Variants in TYW3 observed in about 807,000 individuals in gnomAD.
The protein encoded by TYW3 is tRNA wybutosine-synthesizing protein 3 homolog.
Under a neutral mutation model 23.1 loss-of-function variants are expected in TYW3, and 26 were observed. That is an observed-to-expected ratio of 1.13 (90% confidence interval 0.83 to 1.56). The LOEUF is 1.56. Ranked by LOEUF, TYW3 falls within the 40% of genes most tolerant of loss-of-function variation. The probability of loss-of-function intolerance (pLI) is 0.00; values close to 1 mark genes in which losing one functional copy is unlikely to be tolerated. For synonymous variants in TYW3, 102 were observed against 105.7 expected, an observed-to-expected ratio of 0.97 and a Z score of 0.21; for missense variants, 316 against 311.9, an observed-to-expected ratio of 1.01 and a Z score of -0.10.
At chr1:74,749,817 G>C (rs2795030) in intron 4 of TYW3, among the ~76,000 whole-genome samples, 1 of 152,106 alleles carries the variant, frequency 6.6e-6, no homozygotes, top group African/African-American at 2.4e-5. Context: ...TTAGCTGGGC[G>C]TGGTGGTGCG....
chr1:74,753,559 G>T (rs950508616), intron 5 of TYW3, among the ~76,000 whole-genome samples: 8 of 152,152 alleles, frequency 5.3e-5, no homozygotes, highest in African/African-American at 1.7e-4. Context: ...ACTCAGTCTG[G>T]TTCCACCAAA....
chr1:74,762,043 T>G (rs1403193822), intron 5 of TYW3, among the ~76,000 whole-genome samples: 3 of 152,260 alleles, frequency 2.0e-5, no homozygotes, highest in Non-Finnish European at 2.9e-5. Flanking sequence ...TCTTTTTAAA[T>G]TTAACTCTGT....
chr1:74,756,144 C>T (rs1557749716), intron 5 of TYW3, among the ~76,000 whole-genome samples: 5 of 152,138 alleles, frequency 3.3e-5, no homozygotes, highest in South Asian at 2.1e-4. Flanking sequence ...TGCCCGGTCT[C>T]GGGTATGTCT....
chr1:74,758,674 G>A (rs905145095), intron 5 of TYW3, among the ~76,000 whole-genome samples: 65 of 146,436 alleles, frequency 4.4e-4, no homozygotes, highest in African/African-American at 1.4e-3. Flanking sequence ...GATTCTTATC[G>A]TCATTTACCA....
intron 3 of TYW3, among the ~76,000 whole-genome samples, chr1:74,740,175 A>C (rs1226772860): frequency 6.6e-6 from 1 of 152,086 alleles, no homozygotes; most frequent in Non-Finnish European, 1.5e-5. Flanking sequence ...ATGTGTCCGG[A>C]GTTTCTTCCT....
intron 4 of TYW3, among the ~76,000 whole-genome samples, chr1:74,750,454 C>G (rs1224555335): frequency 6.6e-6 from 1 of 152,012 alleles, no homozygotes; most frequent in African/African-American, 2.4e-5. Flanking sequence ...ATTACAGCTA[C>G]TTGGGAGGCT....
intron 2 of TYW3, 99 bp from the exon 3 acceptor site, chr1:74,738,591 C>A: frequency 1.4e-6 from 1 of 713,744 alleles, no homozygotes; most frequent in Non-Finnish European, 2.1e-6. Context: ...CTGAGTGATT[C>A]TGAAAATTTC....
chr1:74,747,775 G>GTATATGTATACACATGTGTACATA (rs1648624899), intron 3 of TYW3, among the ~76,000 whole-genome samples: 1 of 151,392 alleles, frequency 6.6e-6, no homozygotes, highest in South Asian at 2.1e-4. Flanking sequence ...GTATATGTGT[G>GTATATGTATACACATGTGTACATA]TATATGTATA....
chr1:74,744,730 C>T (rs1371965636), intron 3 of TYW3, among the ~76,000 whole-genome samples: 1 of 152,152 alleles, frequency 6.6e-6, no homozygotes, highest in Non-Finnish European at 1.5e-5. Context: ...GTTGCAGACA[C>T]TCATGGTGAG....
rs572787602 is a variant in TYW3, at chr1:74,765,828, G to GAATT, written c.*1718_*1721dup. On this transcript the variant is annotated 3_prime_UTR_variant, in exon 6 of 6. Transcript: ENST00000370867. ...TTCCATAAACTGAATATATGAATGA[G>GAATT]AATTAAGAAGAGAGGGGCTGCTTCC... is the stretch of plus-strand genomic sequence containing the variant. 6.6e-6 allele frequency: 1 copy of GAATT among 152,042 alleles called. No individual in the cohort carries two copies. The highest frequency in any genetic ancestry group is 1.5e-5 in the Non-Finnish European group (1 of 67,998). 9.4% of individuals were successfully genotyped at this position (152,042 alleles called of 1,614,324 possible). A position where few individuals can be genotyped will look rare whatever the true frequency, so the allele number is the denominator to read the frequency against.
At chr1:74,737,863 T>C (rs1648203889) in intron 2 of TYW3, among the ~76,000 whole-genome samples, 1 of 152,208 alleles carries the variant, frequency 6.6e-6, no homozygotes, top group Non-Finnish European at 1.5e-5. Flanking sequence ...ACACAAGATC[T>C]AGCCCTTTGC....
chr1:74,753,575 C>G (rs72677720), intron 5 of TYW3, among the ~76,000 whole-genome samples: 2 of 152,284 alleles, frequency 1.3e-5, no homozygotes, highest in Non-Finnish European at 2.9e-5. Context: ...CCAAATTGCT[C>G]AACTTTCCAG....
At chr1:74,745,475 G>A (rs181275894) in intron 3 of TYW3, among the ~76,000 whole-genome samples, 122 of 152,120 alleles carry the variant, frequency 8.0e-4, no homozygotes, top group East Asian at 2.3e-3. Context: ...TGATTGGTGC[G>A]TTTTTACAGA....
intron 3 of TYW3, among the ~76,000 whole-genome samples, chr1:74,744,017 C>T (rs1356555314): frequency 2.6e-5 from 4 of 152,108 alleles, no homozygotes; most frequent in South Asian, 4.1e-4. Flanking sequence ...ATTCCCCTCC[C>T]GCTACAGCTT....
intron 3 of TYW3, among the ~76,000 whole-genome samples, chr1:74,747,553 C>T (rs1462769138): frequency 6.7e-6 from 1 of 148,584 alleles, no homozygotes; most frequent in Non-Finnish European, 1.5e-5. Flanking sequence ...AGGAGAATGG[C>T]GTGAACCCGG....
chr1:74,733,771 G>A (rs1053262026), intron 1 of TYW3, among the ~76,000 whole-genome samples: 2 of 152,148 alleles, frequency 1.3e-5, no homozygotes, highest in South Asian at 2.1e-4. Flanking sequence ...TGAATACTAA[G>A]GGAATCTAAA....
rs1382112167 is a variant in TYW3, at chr1:74,752,437, G to A, written c.560+12G>A. On this transcript the variant is annotated intron_variant, in intron 5 of 5. Transcript: ENST00000370867. ...AAAAGAATTGAGAGGTATATTAATTGGGTATTTCCATGTTATTCTTATATG... is the reference window on the plus strand; with the variant it reads ...AAAAGAATTGAGAGGTATATTAATTAGGTATTTCCATGTTATTCTTATATG... 4 of 1,609,492 alleles carry A rather than the reference G, an allele frequency of 2.5e-6. No individual in the cohort carries two copies. Among genetic ancestry groups the A allele is most frequent in the Non-Finnish European group, 3.4e-6 (4 of 1,177,516 alleles).
At chr1:74,763,050 A>G (rs1462617788) in intron 5 of TYW3, among the ~76,000 whole-genome samples, 2 of 152,086 alleles carry the variant, frequency 1.3e-5, no homozygotes, top group African/African-American at 2.4e-5. Flanking sequence ...GAAAGTTAAA[A>G]TAATGCGATA....
chr1:74,733,209 T>A lies in TYW3; in HGVS notation c.-36T>A, dbSNP rs976201759. 5.6e-6 allele frequency: 9 copies of A among 1,608,604 alleles called. No individual in the cohort carries two copies. The highest frequency in any genetic ancestry group is 7.6e-6 in the Non-Finnish European group (9 of 1,177,306). On this transcript the variant is annotated 5_prime_UTR_variant, in exon 1 of 6. It removes an upstream start codon present in the reference 5' UTR. Coordinates refer to ENST00000370867, the MANE Select transcript of TYW3 (RefSeq NM_138467.3). ...CCCCCAGGGAGAGACGAGGCTACCA[T>A]GAAGGAGCCGAGCGCAGACCCTGAG...
Sources: allele counts gnomAD v4.1 joint callset (sites outside exome capture counted in the v4.1 genomes callset), GRCh38; gene constraint gnomAD v4.1.1; transcripts MANE v1.5; gene names NCBI Gene and HGNC (gene_info 2026-07-23, HGNC 2026-07-21).